TEX101: variants seen among roughly 807,000 people sequenced by gnomAD.
TEX101 encodes testis expressed 101, also known as testis-expressed protein 101.
TEX101 carries 10 observed loss-of-function variants against 18.1 expected under a neutral mutation model. The ratio of observed to expected loss-of-function variants is 0.55; its 90% confidence interval spans 0.34 to 0.94. The LOEUF is 0.94. Ranked by LOEUF, TEX101 falls within the 40% of genes least tolerant of loss-of-function variation. The pLI, the probability that TEX101 is intolerant of heterozygous loss-of-function variation, is 0.02. For missense variants in TEX101, 259 were observed against 298.9 expected (o/e 0.87, Z 0.98); for synonymous variants, 94 against 114.8 (o/e 0.82, Z 1.16).
chr19:43,392,647 G>A, the TEX101 span, among the ~76,000 whole-genome samples: 1 of 152,116 alleles, frequency 6.6e-6, no homozygotes, highest in Non-Finnish European at 1.5e-5. Flanking sequence ...GACAAAGAGG[G>A]AGGCACAGAG....
chr19:43,417,823 G>A (rs1282339406), intron 4 of TEX101, 55 bp from the exon 5 acceptor site: 1 of 1,606,248 alleles, frequency 6.2e-7, no homozygotes, highest in Non-Finnish European at 8.5e-7. Flanking sequence ...GCAGCAAGGA[G>A]CAACATCTCT....
upstream of TEX101, among the ~76,000 whole-genome samples, chr19:43,410,308 T>C (rs1230409667): frequency 1.3e-5 from 2 of 152,114 alleles, no homozygotes; most frequent in African/African-American, 2.4e-5. Context: ...GGTAAACAAA[T>C]GCATGGGGGA....
chr19:43,396,998 G>A (rs1389632991), upstream of TEX101, among the ~76,000 whole-genome samples: 2 of 151,686 alleles, frequency 1.3e-5, no homozygotes, highest in South Asian at 2.1e-4. Flanking sequence ...CACCACACCC[G>A]GCTAATTGTT....
At chr19:43,408,956 AC>A (rs1970395526) in intron 3 of TEX101, among the ~76,000 whole-genome samples, 2 of 152,162 alleles carry the variant, frequency 1.3e-5, no homozygotes, top group African/African-American at 4.8e-5. Flanking sequence ...TGAAACTGTG[AC>A]CTCATTCTAC....
chr19:43,409,326 G>C (rs191170858), intron 3 of TEX101, among the ~76,000 whole-genome samples: 368 of 152,280 alleles, frequency 2.4e-3, no homozygotes, highest in African/African-American at 8.2e-3. Flanking sequence ...TACTATAGCA[G>C]GTTACAGACT....
the TEX101 span, among the ~76,000 whole-genome samples, chr19:43,390,765 CAT>C: frequency 2.0e-5 from 3 of 149,862 alleles, no homozygotes; most frequent in Non-Finnish European, 4.4e-5. Flanking sequence ...TCGCCCGGCC[CAT>C]TTTAACCACT....
At chr19:43,408,527 G>C (rs780099301) in intron 3 of TEX101, among the ~76,000 whole-genome samples, 9 of 152,074 alleles carry the variant, frequency 5.9e-5, no homozygotes, top group Admixed American at 4.6e-4. Context: ...TGGCGAGTTG[G>C]GGGTGGACAG....
chr19:43,418,132 C>T, intron 5 of TEX101, 36 bp from the exon 6 acceptor site: 1 of 1,612,732 alleles, frequency 6.2e-7, no homozygotes. Flanking sequence ...TGTCCTAAAA[C>T]ATCTCTGTCT....
chr19:43,395,894 G>A, the TEX101 span, among the ~76,000 whole-genome samples: 3 of 152,176 alleles, frequency 2.0e-5, no homozygotes, highest in Non-Finnish European at 4.4e-5. Flanking sequence ...CCACCTTTAC[G>A]CCAATCCTCC....
At position 43,414,904 on chromosome 19, in the gene TEX101, C is replaced by T; in HGVS notation, c.-174C>T. On this transcript the variant is annotated 5_prime_UTR_variant, in exon 1 of 6. Coordinates refer to ENST00000598265, the MANE Select transcript of TEX101 (RefSeq NM_001130011.3). ...CCTTGCGTCGTAAGAGAATGCCAAG[C>T]CCGGGGAGAAGGCGTTCCGGGCCTC... 1.0e-6 allele frequency: 1 copy of T among 985,478 alleles called. No homozygotes were observed. Among genetic ancestry groups the T allele is most frequent in the South Asian group, 4.7e-5 (1 of 21,290 alleles). 61.0% of individuals were successfully genotyped at this position (985,478 alleles called of 1,614,324 possible).
rs1555745356 is a variant in TEX101, at chr19:43,406,935, T to TTG, written c.15+417_15+418insGT. Among the ~76,000 whole-genome samples, 770 of 110,184 alleles carry TTG rather than the reference T, an allele frequency of 7.0e-3. 12 individuals carry two copies. The highest frequency in any genetic ancestry group is 0.021 in the African/African-American group (708 of 33,412). The allele number at this position is 110,184 out of a possible 152,430, so 72.3% of individuals were successfully genotyped here. Reference sequence around the variant, plus strand: ...TGTTTTTTGTCTTTGTTTTTTGTTTTTTTTTTTTTTTTTGACAGGGTCTCA... The same window carrying TTG: ...TGTTTTTTGTCTTTGTTTTTTGTTTTTGTTTTTTTTTTTTTGACAGGGTCTCA... On this transcript the variant is annotated intron_variant, in intron 3 of 7. Transcript: ENST00000602198.
chr19:43,418,100 G>T lies in TEX101; in HGVS notation c.521-68G>T. The T allele has an allele frequency of 3.7e-6, 6 of 1,611,138 alleles. No individual in the cohort carries two copies. The East Asian group carries it at 1.1e-4, about 30-fold the overall frequency. Reference sequence around the variant, plus strand: ...TGACACTGAGCTCTCCAGGGATGAGGGGGGACTGGATTCTCCTCTGATGTC... The same window carrying T: ...TGACACTGAGCTCTCCAGGGATGAGTGGGGACTGGATTCTCCTCTGATGTC... On this transcript the variant is annotated intron_variant, in intron 5 of 5. Transcript: ENST00000598265.
rs751213765 is a variant in TEX101, at chr19:43,418,322, C to T, written c.675C>T (p.Thr225=). The T allele has an allele frequency of 1.9e-6, 3 of 1,614,214 alleles. No homozygotes were observed. The highest frequency in any genetic ancestry group is 2.5e-6 in the Non-Finnish European group (3 of 1,180,048). The change falls in exon 6 of 6, where the codon ACC becomes ACT. Residue 225 remains threonine (T), a synonymous_variant. Coordinates refer to ENST00000598265, the MANE Select transcript of TEX101 (RefSeq NM_001130011.3). ...TQPRKTENGA[T]CLPIPVWGLQ... is the part of the protein sequence containing the mutation. ...CTCGAAAGACTGAAAATGGGGCCAC[C>T]TGTCTTCCCATTCCTGTTTGGGGGT...
chr19:43,415,850 G>C (rs1307441804), intron 1 of TEX101, 31 bp from the exon 2 acceptor site: 4 of 1,600,782 alleles, frequency 2.5e-6, no homozygotes, highest in African/African-American at 2.7e-5. Flanking sequence ...TGGCTGAAAA[G>C]TTAATTGCCT....
upstream of TEX101, among the ~76,000 whole-genome samples, chr19:43,413,189 C>A (rs1970434183): frequency 1.3e-5 from 2 of 152,106 alleles, no homozygotes; most frequent in Admixed American, 1.3e-4. Context: ...TCATGTGGAC[C>A]CCTCGAAGTT....
chr19:43,390,509 C>T, the TEX101 span, among the ~76,000 whole-genome samples: 3 of 110,366 alleles, frequency 2.7e-5, no homozygotes, highest in East Asian at 6.7e-4. Context: ...ACTCTCTCAC[C>T]CATGCTGGAA....
At chr19:43,399,802 ATTT>A (rs71169230), upstream of TEX101, among the ~76,000 whole-genome samples, 10 of 113,266 alleles carry the variant, frequency 8.8e-5, no homozygotes, top group Admixed American at 1.8e-4. Context: ...CCTATGTCCT[ATTT>A]TTTTTTTTTT....
At chr19:43,405,777 G>A (rs957485323) in intron 2 of TEX101, among the ~76,000 whole-genome samples, 2 of 151,334 alleles carry the variant, frequency 1.3e-5, no homozygotes, top group African/African-American at 2.4e-5. Context: ...TTAGCTGGGC[G>A]TGGTGGCATG....
At chr19:43,409,992 G>T (rs988130581), upstream of TEX101, among the ~76,000 whole-genome samples, 2 of 152,056 alleles carry the variant, frequency 1.3e-5, no homozygotes, top group Non-Finnish European at 2.9e-5. Flanking sequence ...AGCTGTGATT[G>T]CACCACTGTA....
Sources: allele counts gnomAD v4.1 joint callset (sites outside exome capture counted in the v4.1 genomes callset), GRCh38; gene constraint gnomAD v4.1.1; transcripts MANE v1.5; gene names NCBI Gene and HGNC (gene_info 2026-07-23, HGNC 2026-07-21).